SYT16: variants seen among roughly 807,000 people sequenced by gnomAD.
SYT16 encodes synaptotagmin-16.
In SYT16, 42 loss-of-function variants were observed where a neutral mutation model predicts 61.4. That is an observed-to-expected ratio of 0.68 (90% confidence interval 0.53 to 0.89). The LOEUF is 0.89. SYT16 is among the 40% of genes least tolerant of loss of function. The pLI is 0.00. For missense variants in SYT16, 804 were observed against 807.3 expected (o/e 1.00, Z 0.05); for synonymous variants, 314 against 302.3 (o/e 1.04, Z -0.40).
intron 1 of SYT16, among the ~76,000 whole-genome samples, chr14:61,835,592 A>G (rs1425616278): frequency 1.3e-5 from 2 of 151,846 alleles, no homozygotes; most frequent in Admixed American, 6.6e-5. Flanking sequence ...GATTTTATCA[A>G]TCACCTTTTT....
chr14:61,905,771 TTTTTG>T (rs1197817145), intron 1 of SYT16, among the ~76,000 whole-genome samples: 18 of 151,222 alleles, frequency 1.2e-4, no homozygotes, highest in Non-Finnish European at 1.3e-4. Flanking sequence ...CTTTTTTTTT[TTTTTG>T]GGGATAAATC....
chr14:62,070,836 A>G (rs189562270), intron 4 of SYT16, among the ~76,000 whole-genome samples: 1 of 152,310 alleles, frequency 6.6e-6, no homozygotes, highest in African/African-American at 2.4e-5. Context: ...GGTCAGTCAA[A>G]TGAGGGCATA....
chr14:62,004,087 CT>C (rs2053127125), intron 3 of SYT16, among the ~76,000 whole-genome samples: 1 of 152,114 alleles, frequency 6.6e-6, no homozygotes, highest in Non-Finnish European at 1.5e-5. Context: ...CATTTTCACA[CT>C]GCTATAAAGA....
chr14:61,983,133 G>T (rs1373269689), intron 2 of SYT16, among the ~76,000 whole-genome samples: 1 of 152,158 alleles, frequency 6.6e-6, no homozygotes, highest in African/African-American at 2.4e-5. Flanking sequence ...GGGTGTCTAC[G>T]AGTTTATATG....
intron 3 of SYT16, among the ~76,000 whole-genome samples, chr14:62,061,912 T>G (rs1487092608): frequency 6.6e-6 from 1 of 152,196 alleles, no homozygotes; most frequent in Non-Finnish European, 1.5e-5. Context: ...TTCTGCCTGC[T>G]CTTGCTCACC....
intron 3 of SYT16, among the ~76,000 whole-genome samples, chr14:62,054,360 G>GTTGTTTTTTTTTTTTTTTTTTT (rs1411904235): frequency 8.5e-5 from 10 of 118,262 alleles, no homozygotes; most frequent in East Asian, 2.5e-4. Flanking sequence ...AGTGAAGTGA[G>GTTGTTTTTTTTTTTTTTTTTTT]TTTTTTTTTT....
chr14:61,919,161 T>C (rs1166594880), intron 1 of SYT16, among the ~76,000 whole-genome samples: 2 of 152,190 alleles, frequency 1.3e-5, no homozygotes, highest in East Asian at 1.9e-4. Flanking sequence ...AAAAATGTGA[T>C]AGAAATACGT....
intron 1 of SYT16, among the ~76,000 whole-genome samples, chr14:61,846,176 G>A (rs956971762): frequency 2.0e-5 from 3 of 152,176 alleles, no homozygotes; most frequent in Admixed American, 6.6e-5. Flanking sequence ...TTGGTCTATA[G>A]TGCAGATTAA....
In SYT16 at chr14:61,890,848, A is replaced by G. The variant is rs759207127; in HGVS notation, c.-325+78038A>G. 3.3e-5 allele frequency among the ~76,000 whole-genome samples: 5 copies of G among 152,158 alleles called. No individual in the cohort carries two copies. The East Asian group carries it at 9.6e-4, about 29-fold the overall frequency. On this transcript the variant is annotated intron_variant, in intron 1 of 7. Transcript: ENST00000683842. The stretch of plus-strand genomic sequence containing the variant: ...GGGGGTTGGCTGGTGAATGAGGAAA[A>G]TTAGCATGGCTGGGTTGATTTTTCT...
At chr14:62,001,336 C>T (rs779088344) in intron 3 of SYT16, among the ~76,000 whole-genome samples, 15 of 151,994 alleles carry the variant, frequency 9.9e-5, no homozygotes, top group Admixed American at 4.6e-4. Flanking sequence ...AAAATTTTCT[C>T]AATTATTTGA....
At chr14:62,092,252 A>G (rs1259743752) in intron 7 of SYT16, among the ~76,000 whole-genome samples, 1 of 151,202 alleles carries the variant, frequency 6.6e-6, no homozygotes, top group Non-Finnish European at 1.5e-5. Context: ...GAGAATGTGG[A>G]GAAATTGGAG....
At chr14:61,844,152 G>T (rs886536870) in intron 1 of SYT16, among the ~76,000 whole-genome samples, 3 of 151,850 alleles carry the variant, frequency 2.0e-5, no homozygotes, top group African/African-American at 7.3e-5. Context: ...TTTATGTGTG[G>T]CTATTATAAA....
At chr14:61,951,089 G>A (rs1401617636) in intron 1 of SYT16, among the ~76,000 whole-genome samples, 1 of 152,176 alleles carries the variant, frequency 6.6e-6, no homozygotes, top group Non-Finnish European at 1.5e-5. Flanking sequence ...TTATTGGTTA[G>A]GGCTATGCAT....
intron 7 of SYT16, among the ~76,000 whole-genome samples, chr14:62,088,805 T>A (rs4902103): frequency 0.87 from 131,753 of 152,090 alleles, 57,393 homozygotes; most frequent in African/African-American, 0.96. Context: ...TCCACTGTAC[T>A]ATTATTTCAA....
At chr14:62,071,532 T>G (rs1471521888) in intron 4 of SYT16, among the ~76,000 whole-genome samples, 4 of 152,100 alleles carry the variant, frequency 2.6e-5, no homozygotes, top group Admixed American at 6.5e-5. Flanking sequence ...TTGAAGAAAA[T>G]CAGCAGGATT....
At chr14:61,845,676 C>A (rs2046426627) in intron 1 of SYT16, among the ~76,000 whole-genome samples, 1 of 152,088 alleles carries the variant, frequency 6.6e-6, no homozygotes, top group Non-Finnish European at 1.5e-5. Context: ...TTCTTCATTT[C>A]AAATTTATTT....
intron 3 of SYT16, among the ~76,000 whole-genome samples, chr14:62,030,307 C>T (rs1194176746): frequency 4.6e-5 from 7 of 152,002 alleles, no homozygotes; most frequent in Non-Finnish European, 8.8e-5. Context: ...ATCATCCTGC[C>T]GGGAAAAAAA....
rs1024255866 is a variant in SYT16, at chr14:61,996,315, A to C, written c.296A>C (p.Gln99Pro). The C allele has an allele frequency of 6.2e-7, 1 of 1,613,508 alleles. No homozygotes were observed. The highest frequency in any genetic ancestry group is 1.1e-5 in the South Asian group (1 of 91,074). The change falls in exon 3 of 8, where the codon CAG (glutamine) becomes CCG (proline). Residue 99 changes from glutamine (Q) to proline (P), a missense_variant. Transcript: ENST00000683842. ...DHFSCCNSDL[Q>P]DSAQNSSPSL... ...TTCTCATGTTGTAATAGTGATTTGC[A>C]GGACTCTGCCCAAAATTCAAGCCCA...
intron 7 of SYT16, among the ~76,000 whole-genome samples, chr14:62,092,189 CA>C (rs2057103952): frequency 4.1e-5 from 4 of 97,286 alleles, no homozygotes; most frequent in African/African-American, 1.4e-4. Flanking sequence ...CACACACACA[CA>C]CACACACACA....
Sources: gnomAD v4.1 joint callset for allele counts (sites outside exome capture counted in the v4.1 genomes callset) on GRCh38, gnomAD v4.1.1 for gene constraint, MANE v1.5 for transcripts, NCBI Gene and HGNC (gene_info 2026-07-23, HGNC 2026-07-21) for gene names.